EFCAB6: variants seen among roughly 807,000 people sequenced by gnomAD.
The protein encoded by EFCAB6 is EF-hand calcium binding domain 6.
EFCAB6 carries 156 observed loss-of-function variants against 169.8 expected under a neutral mutation model. That is an observed-to-expected ratio of 0.92 (90% CI 0.81 to 1.05). EFCAB6 has a LOEUF of 1.05. Ranked by LOEUF, EFCAB6 falls within the 50% of genes least tolerant of loss-of-function variation. The pLI, the probability that EFCAB6 is intolerant of heterozygous loss-of-function variation, is 0.00. For missense variants in EFCAB6, 1,800 were observed against 1,829.1 expected, an observed-to-expected ratio of 0.98 and a Z score of 0.29; for synonymous variants, 698 against 676.4, an observed-to-expected ratio of 1.03 and a Z score of -0.50.
intron 18 of EFCAB6, among the ~76,000 whole-genome samples, chr22:43,634,076 G>A (rs1338728163): frequency 6.6e-6 from 1 of 152,128 alleles, no homozygotes; most frequent in Non-Finnish European, 1.5e-5. Flanking sequence ...TGACAGAGAC[G>A]GAGTCCAGTT....
intron 17 of EFCAB6, among the ~76,000 whole-genome samples, chr22:43,648,837 C>G (rs547538422): frequency 7.9e-5 from 12 of 152,322 alleles, no homozygotes; most frequent in Admixed American, 7.2e-4. Context: ...AAAATTGATT[C>G]ATGCATTTGA....
At chr22:43,606,795 C>G (rs1301782801) in intron 22 of EFCAB6, among the ~76,000 whole-genome samples, 1 of 152,222 alleles carries the variant, frequency 6.6e-6, no homozygotes, top group Non-Finnish European at 1.5e-5. Context: ...TGTAAAGAAA[C>G]TTTAGCCACA....
intron 17 of EFCAB6, among the ~76,000 whole-genome samples, chr22:43,651,261 C>A (rs745689258): frequency 6.6e-6 from 1 of 152,186 alleles, no homozygotes; most frequent in Non-Finnish European, 1.5e-5. Flanking sequence ...TGGTGCCCTG[C>A]ATCCCAGCAG....
rs750687549 is a variant in EFCAB6 at position 43,530,826 on chromosome 22, C to G, written c.4372G>C (p.Asp1458His). ...AGAGCTGTGCTCACCGTCCTGAAAT[C>G]TGCGACGCTTAGCAGCCCTGTTCCA... ...EAGTGLLSVADFRTVLRQYSI... is the reference protein window; with the variant it reads ...EAGTGLLSVAHFRTVLRQYSI... Residue 1458 changes from aspartate to histidine, a missense_variant, in exon 31 of 32, where the codon GAT becomes CAT. Transcript: ENST00000262726. 2.5e-6 allele frequency: 4 copies of G among 1,613,848 alleles called. No homozygotes were observed. Among genetic ancestry groups the G allele is most frequent in the Non-Finnish European group, 3.4e-6 (4 of 1,180,046 alleles).
At position 43,760,826 on chromosome 22, in the gene EFCAB6, C is replaced by T. The variant is rs537279760; in HGVS notation, c.440+4479G>A. Among the ~76,000 whole-genome samples the T allele has an allele frequency of 1.6e-3, 245 of 152,252 alleles. 1 individual carries two copies. Among genetic ancestry groups the T allele is most frequent in the African/African-American group, 5.3e-3 (222 of 41,566 alleles). On this transcript the variant is annotated intron_variant, in intron 5 of 31. Transcript: ENST00000262726. ...CACAGGCACGCGCCACCACATGCGG[C>T]TAATTTTTGTATTTTTAGTAGAGAC... is the stretch of plus-strand genomic sequence containing the variant.
intron 10 of EFCAB6, among the ~76,000 whole-genome samples, chr22:43,711,139 T>C (rs2059145714): frequency 6.6e-6 from 1 of 152,206 alleles, no homozygotes; most frequent in Non-Finnish European, 1.5e-5. Context: ...CTCTATTAGA[T>C]GTGAAAACTG....
At chr22:43,739,942 G>A (rs889196302) in intron 6 of EFCAB6, among the ~76,000 whole-genome samples, 8 of 151,642 alleles carry the variant, frequency 5.3e-5, no homozygotes, top group African/African-American at 1.5e-4. Flanking sequence ...CATTCCACTC[G>A]CTGTGACCCA....
intron 25 of EFCAB6, among the ~76,000 whole-genome samples, chr22:43,577,880 A>G (rs924971353): frequency 5.3e-5 from 8 of 150,026 alleles, no homozygotes; most frequent in African/African-American, 1.5e-4. Flanking sequence ...GATGTGATTT[A>G]CAAAAAAAAA....
chr22:43,575,934 T>C (rs1302961560), intron 26 of EFCAB6, among the ~76,000 whole-genome samples: 1 of 152,220 alleles, frequency 6.6e-6, no homozygotes, highest in Non-Finnish European at 1.5e-5. Context: ...TAGTGTTTGC[T>C]GCTGTTATTA....
intron 4 of EFCAB6, among the ~76,000 whole-genome samples, chr22:43,772,115 A>G (rs2061489901): frequency 6.6e-6 from 1 of 151,990 alleles, no homozygotes; most frequent in Non-Finnish European, 1.5e-5. Flanking sequence ...ACTCCCAGCC[A>G]CCCTGTCGTG....
At position 43,760,655 on chromosome 22, in the gene EFCAB6, ATT is replaced by A. The variant is rs71188411; in HGVS notation, c.440+4648_440+4649del. Among the ~76,000 whole-genome samples the A allele has an allele frequency of 5.5e-3, 760 of 138,934 alleles. 5 individuals are homozygous for A. The highest frequency in any genetic ancestry group is 7.6e-3 in the Non-Finnish European group (494 of 64,694). 91.1% of individuals were successfully genotyped at this position (138,934 alleles called of 152,430 possible). ...CGCCCTCTTGAATAGGAGTAGGTGC[ATT>A]TTTTTTTTTTTTTTTCCTGAGATGG... On this transcript the variant is annotated intron_variant, in intron 5 of 31. Transcript: ENST00000262726.
chr22:43,596,896 A>G (rs192380950), intron 23 of EFCAB6, among the ~76,000 whole-genome samples: 1 of 152,380 alleles, frequency 6.6e-6, no homozygotes, highest in East Asian at 1.9e-4. Flanking sequence ...CTGGCATAAA[A>G]GCAGACACAA....
chr22:43,645,647 C>T (rs1236318771), intron 17 of EFCAB6, among the ~76,000 whole-genome samples: 1 of 152,122 alleles, frequency 6.6e-6, no homozygotes, highest in Non-Finnish European at 1.5e-5. Flanking sequence ...TTGATACTTC[C>T]CTTTTATGTA....
chr22:43,594,275 CAA>C (rs750560174), intron 23 of EFCAB6, among the ~76,000 whole-genome samples: 16,947 of 81,660 alleles, frequency 0.21, 1,924 homozygotes, highest in East Asian at 0.68. Flanking sequence ...AACTCTGTTT[CAA>C]AAAAAAAAAA....
intron 3 of EFCAB6, among the ~76,000 whole-genome samples, chr22:43,777,387 T>G (rs1272296530): frequency 6.6e-6 from 1 of 152,082 alleles, no homozygotes; most frequent in Admixed American, 6.5e-5. Context: ...GATGACTCAC[T>G]TAAGAGAGGG....
intron 21 of EFCAB6, among the ~76,000 whole-genome samples, chr22:43,613,425 A>C (rs557433973): frequency 6.6e-6 from 1 of 152,280 alleles, no homozygotes; most frequent in South Asian, 2.1e-4. Flanking sequence ...GAATACTACA[A>C]AGTCATACAA....
chr22:43,687,464 T>TTTTA lies in EFCAB6; in HGVS notation c.1142+6_1142+7insTAAA. ...TAAAATTTGTTTTTTTTTTTTTTTTTACATACCTATTTCTTTTTGTCAGGG... is the reference window on the plus strand; with the variant it reads ...TAAAATTTGTTTTTTTTTTTTTTTTTTTTAACATACCTATTTCTTTTTGTCAGGG... On this transcript the variant is annotated splice_region_variant and intron_variant, in intron 11 of 31. Transcript: ENST00000262726. 4 of 1,422,226 alleles carry TTTTA rather than the reference T, an allele frequency of 2.8e-6. No homozygotes were observed. Among genetic ancestry groups the TTTTA allele is most frequent in the Non-Finnish European group, 3.8e-6 (4 of 1,046,334 alleles). The allele number at this position is 1,422,226 out of a possible 1,614,324, so 88.1% of individuals were successfully genotyped here.
chr22:43,630,187 C>T (rs936874914), intron 19 of EFCAB6, among the ~76,000 whole-genome samples: 5 of 152,126 alleles, frequency 3.3e-5, no homozygotes, highest in African/African-American at 4.8e-5. Context: ...AATTGAGACC[C>T]GTGCTTTGTC....
chr22:43,704,606 T>C (rs1051923548), intron 10 of EFCAB6, among the ~76,000 whole-genome samples: 4 of 152,140 alleles, frequency 2.6e-5, no homozygotes, highest in Non-Finnish European at 4.4e-5. Context: ...TTATGTAAAT[T>C]TTGACATCAA....
Sources: allele counts gnomAD v4.1 joint callset (sites outside exome capture counted in the v4.1 genomes callset), GRCh38; gene constraint gnomAD v4.1.1; transcripts MANE v1.5; gene names NCBI Gene and HGNC (gene_info 2026-07-23, HGNC 2026-07-21).